LYG2: variants seen among roughly 807,000 people sequenced by gnomAD.
LYG2 encodes the protein lysozyme g2, also known as lysozyme g-like protein 2.
A neutral mutation model predicts 22.4 loss-of-function variants in LYG2; 25 were observed. That is an observed-to-expected ratio of 1.12 (90% confidence interval 0.81 to 1.56). The LOEUF is 1.56. LYG2 is among the 40% of genes most tolerant of loss of function. The pLI is 0.00. For synonymous variants in LYG2, 88 were observed against 97.0 expected (o/e 0.91, Z 0.55); for missense variants, 266 against 269.5 (o/e 0.99, Z 0.09).
In LYG2 at chr2:99,246,763, C is replaced by G. The variant is rs781622268; in HGVS notation, c.101G>C (p.Arg34Pro). The part of the protein sequence containing the change: ...SHSMKPHLHP[R>P]LYHGCYGDIM... ...GTCCCCATAGCAGCCGTGGTACAGG[C>G]GTGGATGTAGGTGAGGCTTCATTGA... is the stretch of plus-strand genomic sequence containing the variant. Residue 34 changes from arginine (R) to proline (P), a missense_variant, in exon 4 of 7, where the codon CGC becomes CCC. Transcript: ENST00000333017. 6.2e-7 allele frequency: 1 copy of G among 1,614,072 alleles called. No homozygotes were observed.
chr2:99,247,829 T>G (rs1297738836), intron 3 of LYG2, among the ~76,000 whole-genome samples: 1 of 151,662 alleles, frequency 6.6e-6, no homozygotes, highest in African/African-American at 2.4e-5. Context: ...CGCAACCTAC[T>G]CATCTGACAA....
In LYG2 at chr2:99,242,359, T is replaced by C; in HGVS notation, c.*5A>G. On this transcript the variant is annotated 3_prime_UTR_variant, in exon 7 of 7. Transcript: ENST00000333017. Reference sequence around the variant, plus strand: ...TGCCAACCTGGCCCACCCACAGAGCTTTGCCTAGAAGCTTTGTCTTTTATA... The same window carrying C: ...TGCCAACCTGGCCCACCCACAGAGCCTTGCCTAGAAGCTTTGTCTTTTATA... The C allele has an allele frequency of 1.2e-6, 2 of 1,600,890 alleles. No individual in the cohort carries two copies. The highest frequency in any genetic ancestry group is 1.7e-6 in the Non-Finnish European group (2 of 1,169,776).
chr2:99,242,777 T>C (rs1332865701), intron 6 of LYG2, among the ~76,000 whole-genome samples: 18 of 152,244 alleles, frequency 1.2e-4, no homozygotes, highest in Admixed American at 1.2e-3. Flanking sequence ...CATCCTCTGC[T>C]GAAAATGCTT....
At chr2:99,246,608 AG>A in intron 4 of LYG2, 71 bp downstream of exon 4, 2 of 1,539,678 alleles carry the variant, frequency 1.3e-6, no homozygotes, top group Non-Finnish European at 1.8e-6. Context: ...TTCAAAATTA[AG>A]TGACTTCCTA....
At chr2:99,252,724 T>C (rs1199465849) in intron 3 of LYG2, among the ~76,000 whole-genome samples, 1 of 152,010 alleles carries the variant, frequency 6.6e-6, no homozygotes, top group East Asian at 1.9e-4. Flanking sequence ...ACCACAGGCA[T>C]CAAAGTTACC....
chr2:99,258,503 G>C (rs534752664), upstream of LYG2, among the ~76,000 whole-genome samples: 6 of 152,288 alleles, frequency 3.9e-5, no homozygotes, highest in East Asian at 1.2e-3. Flanking sequence ...AAGAAAACTT[G>C]GCAGGACAAG....
the LYG2 span, among the ~76,000 whole-genome samples, chr2:99,261,317 G>A: frequency 6.6e-6 from 1 of 152,246 alleles, no homozygotes; most frequent in East Asian, 1.9e-4. Flanking sequence ...GGTTTTGGAG[G>A]TGGAGTGTAT....
intron 3 of LYG2, among the ~76,000 whole-genome samples, chr2:99,250,091 C>T (rs1046861862): frequency 6.6e-6 from 1 of 152,116 alleles, no homozygotes; most frequent in Admixed American, 6.6e-5. Flanking sequence ...TCACTCTCCT[C>T]CAGCCACATT....
intron 2 of LYG2, among the ~76,000 whole-genome samples, chr2:99,254,727 T>C (rs974182556): frequency 2.0e-5 from 3 of 152,182 alleles, no homozygotes; most frequent in Non-Finnish European, 4.4e-5. Context: ...TGGAGTGCAG[T>C]GGCATAATCA....
intron 2 of LYG2, 76 bp from the exon 3 acceptor site, chr2:99,254,361 T>C (rs2094032268): frequency 8.5e-7 from 1 of 1,177,954 alleles, no homozygotes; most frequent in Non-Finnish European, 1.2e-6. Flanking sequence ...CTTTGATATT[T>C]TAAAAAGTTT....
Position 99,242,436 on chromosome 2 carries a change from TG to T in LYG2, c.566del (p.Pro189HisfsTer4). 1.2e-6 allele frequency: 2 copies of T among 1,613,460 alleles called. No individual in the cohort carries two copies. Among genetic ancestry groups the T allele is most frequent in the Non-Finnish European group, 1.7e-6 (2 of 1,179,654 alleles). The part of the protein sequence containing the change: ...FKSGIEAIAT[P>X]SDIDNDFVND... The stretch of plus-strand genomic sequence containing the variant: ...TGACGAAGTCATTGTCTATGTCCGA[TG>T]GGGTGGCAATCGCTTCAATTCCTGA... On this transcript the variant is annotated frameshift_variant, in exon 7 of 7. Coordinates refer to ENST00000333017, the MANE Select transcript of LYG2 (RefSeq NM_175735.4). LOFTEE classifies it high-confidence loss of function.
At chr2:99,259,914 C>T (rs2094044098), upstream of LYG2, among the ~76,000 whole-genome samples, 2 of 151,940 alleles carry the variant, frequency 1.3e-5, no homozygotes, top group South Asian at 4.2e-4. Flanking sequence ...AAAAGACTGC[C>T]TCATGATATC....
At chr2:99,243,691 AGCT>A in intron 6 of LYG2, 3 of 431,152 alleles carry the variant, frequency 7.0e-6, no homozygotes, top group Admixed American at 4.3e-5. Context: ...CACCATGCCC[AGCT>A]TTTTTTTTTT....
Position 99,242,511 on chromosome 2 carries a change from A to G in LYG2, c.521-29T>C, listed in dbSNP as rs751802596. 24 of 1,433,450 alleles carry G rather than the reference A, an allele frequency of 1.7e-5. No individual in the cohort carries two copies. The South Asian group carries it at 2.6e-4, about 15-fold the overall frequency. The allele number at this position is 1,433,450 out of a possible 1,614,324, so 88.8% of individuals were successfully genotyped here. ...AAATGAAACACAGAGAATTAGGCTC[A>G]AATATTAACTTTCAACAGAAATAAG... On this transcript the variant is annotated intron_variant, in intron 6 of 6. Coordinates refer to ENST00000333017, the MANE Select transcript of LYG2 (RefSeq NM_175735.4).
In LYG2 at chr2:99,253,128, C is replaced by T. The variant is rs557106515; in HGVS notation, c.43+1090G>A. ...TGCACCAAAATCTTGCAGTATAAGG[C>T]GAAAGAAGCTGCCTTTTACCCAGCA... On this transcript the variant is annotated intron_variant, in intron 3 of 6. Coordinates refer to ENST00000333017, the MANE Select transcript of LYG2 (RefSeq NM_175735.4). 3.1e-4 allele frequency among the ~76,000 whole-genome samples: 47 copies of T among 151,056 alleles called. No individual in the cohort carries two copies. In the East Asian group the frequency reaches 4.7e-3, roughly 15 times the overall value.
chr2:99,248,081 A>G (rs1305165196), intron 3 of LYG2, among the ~76,000 whole-genome samples: 1 of 152,160 alleles, frequency 6.6e-6, no homozygotes, highest in Non-Finnish European at 1.5e-5. Context: ...GTCAGGCAAC[A>G]ACAGGTGCTG....
chr2:99,247,975 G>GA (rs2094019272), intron 3 of LYG2, among the ~76,000 whole-genome samples: 2 of 152,280 alleles, frequency 1.3e-5, no homozygotes, highest in South Asian at 4.1e-4. Flanking sequence ...AAAAACACAT[G>GA]AAAAAATGCT....
chr2:99,250,657 A>G (rs1484756226), intron 3 of LYG2, among the ~76,000 whole-genome samples: 1 of 152,204 alleles, frequency 6.6e-6, no homozygotes, highest in Non-Finnish European at 1.5e-5. Flanking sequence ...TACAGGCGTG[A>G]GCCACCACGC....
chr2:99,243,692 GCT>G (rs2094010622), intron 6 of LYG2: 2 of 365,578 alleles, frequency 5.5e-6, no homozygotes, highest in South Asian at 4.2e-5. Flanking sequence ...ACCATGCCCA[GCT>G]TTTTTTTTTT....
Sources: allele counts gnomAD v4.1 joint callset (sites outside exome capture counted in the v4.1 genomes callset), GRCh38; gene constraint gnomAD v4.1.1; transcripts MANE v1.5; gene names NCBI Gene and HGNC (gene_info 2026-07-23, HGNC 2026-07-21).